PRH1: variants seen among roughly 807,000 people sequenced by gnomAD.
The protein encoded by PRH1 is salivary acidic proline-rich phosphoprotein 1/2.
In PRH1, 7 loss-of-function variants were observed where a neutral mutation model predicts 7.9. The ratio of observed to expected loss-of-function variants is 0.89; its 90% CI spans 0.50 to 1.67. The LOEUF (loss-of-function observed/expected upper bound fraction) is 1.67, where lower values mean the gene tolerates loss of function less well. Ranked by LOEUF, PRH1 falls within the 40% of genes most tolerant of loss-of-function variation. The pLI, the probability that PRH1 is intolerant of heterozygous loss-of-function variation, is 0.00. For missense variants in PRH1, 109 were observed against 223.6 expected (o/e 0.49, Z 3.27); for synonymous variants, 45 against 80.8 (o/e 0.56, Z 2.38).
intron 1 of PRH1, among the ~76,000 whole-genome samples, chr12:11,029,901 A>C (rs1942101048): frequency 6.6e-6 from 1 of 152,232 alleles, no homozygotes. Flanking sequence ...ATACATCCTC[A>C]TTATTGATTT....
In PRH1 at chr12:10,884,191, G is replaced by A; in HGVS notation, c.27C>T (p.Ala9=). MLLILLSV[A]LLAFSSAQDL... is the part of the protein sequence containing the mutation. Reference sequence around the variant, plus strand: ...CCTGAGCTGAGCTGAAGGCCAGCAGGGCCACTGACAGCAGAATCAGAAGCA... The same window carrying A: ...CCTGAGCTGAGCTGAAGGCCAGCAGAGCCACTGACAGCAGAATCAGAAGCA... Residue 9 remains alanine, a synonymous_variant, in exon 1 of 4, where the codon GCC becomes GCT. Coordinates refer to ENST00000543626, the MANE Select transcript of PRH1 (RefSeq NM_001393989.1). 6.2e-7 allele frequency: 1 copy of A among 1,614,118 alleles called. No individual in the cohort carries two copies. Among genetic ancestry groups the A allele is most frequent in the Non-Finnish European group, 8.5e-7 (1 of 1,180,006 alleles).
At chr12:11,098,285 A>C (rs1489288482) in intron 1 of PRH1, among the ~76,000 whole-genome samples, 1 of 150,880 alleles carries the variant, frequency 6.6e-6, no homozygotes, top group Non-Finnish European at 1.5e-5. Flanking sequence ...CATTCTTTTT[A>C]CTTTTAAATG....
intron 2 of PRH1, among the ~76,000 whole-genome samples, chr12:10,929,586 G>C (rs1326233009): frequency 6.6e-6 from 1 of 152,168 alleles, no homozygotes; most frequent in Non-Finnish European, 1.5e-5. Context: ...TGCATTTATA[G>C]AGACATGGGA....
intron 1 of PRH1, among the ~76,000 whole-genome samples, chr12:11,018,428 T>G (rs1303129750): frequency 6.6e-6 from 1 of 152,204 alleles, no homozygotes; most frequent in Non-Finnish European, 1.5e-5. Flanking sequence ...CTTCCTCAGA[T>G]TCCCTTGACT....
chr12:11,061,215 T>A, intron 1 of PRH1: 2 of 1,086,126 alleles, frequency 1.8e-6, no homozygotes, highest in Non-Finnish European at 2.5e-6. Context: ...CGCACTTTTT[T>A]AGACTAACGT....
At chr12:11,019,475 C>G (rs1487556123) in intron 1 of PRH1, among the ~76,000 whole-genome samples, 1 of 152,404 alleles carries the variant, frequency 6.6e-6, no homozygotes, top group African/African-American at 2.4e-5. Context: ...CTAAGATATA[C>G]ATTCAGTTGC....
intron 1 of PRH1, among the ~76,000 whole-genome samples, chr12:11,107,025 G>A (rs186295527): frequency 5.9e-5 from 9 of 152,014 alleles, no homozygotes; most frequent in African/African-American, 1.7e-4. Flanking sequence ...GTAGGGGAGC[G>A]AGAAAGACAG....
rs553939547 is a variant in PRH1 at position 11,088,154 on chromosome 12, A to G, written n.124-40966T>C. 7.8e-4 allele frequency among the ~76,000 whole-genome samples: 101 copies of G among 129,844 alleles called. No homozygotes were observed. In the South Asian group the frequency reaches 0.022, roughly 28 times the overall value. The allele number at this position is 129,844 out of a possible 152,430, so 85.2% of individuals were successfully genotyped here. On this transcript the variant is annotated intron_variant and non_coding_transcript_variant, in intron 1 of 4. Coordinates refer to the PRH1 transcript ENST00000541977. ...CCAGGAGTTTGAGACCAGCCTGGGT[A>G]ACACGGTGAAATCCTAGCCCTACAG...
chr12:11,101,156 CAAT>C (rs1305974388), intron 1 of PRH1, among the ~76,000 whole-genome samples: 1 of 152,062 alleles, frequency 6.6e-6, no homozygotes, highest in African/African-American at 2.4e-5. Context: ...AGTGGATTAA[CAAT>C]TCTTGCCTAT....
At chr12:10,917,733 C>T (rs1038747730) in intron 2 of PRH1, among the ~76,000 whole-genome samples, 1 of 152,194 alleles carries the variant, frequency 6.6e-6, no homozygotes, top group African/African-American at 2.4e-5. Flanking sequence ...ATTGGCAGGA[C>T]ATTTCTGAAT....
intron 1 of PRH1, among the ~76,000 whole-genome samples, chr12:11,123,928 C>T (rs2597934): frequency 1.3e-5 from 2 of 151,944 alleles, no homozygotes; most frequent in African/African-American, 2.4e-5. Flanking sequence ...AATCTTAACG[C>T]CATGTTCTTT....
chr12:11,098,830 T>C (rs138738513), intron 1 of PRH1, among the ~76,000 whole-genome samples: 61 of 152,284 alleles, frequency 4.0e-4, no homozygotes, highest in Non-Finnish European at 7.8e-4. Context: ...TGAACACAAA[T>C]ACACGCATGT....
intron 1 of PRH1, chr12:10,986,226 T>A: frequency 6.2e-7 from 1 of 1,614,144 alleles, no homozygotes; most frequent in Non-Finnish European, 8.5e-7. Context: ...TCCTTCTCCA[T>A]GGAGCTGCAT....
chr12:11,111,331 C>T (rs1945584978), intron 1 of PRH1, among the ~76,000 whole-genome samples: 1 of 152,220 alleles, frequency 6.6e-6, no homozygotes, highest in Non-Finnish European at 1.5e-5. Context: ...CTCTCCACCT[C>T]AAATCAACAG....
intron 1 of PRH1, among the ~76,000 whole-genome samples, chr12:11,024,222 C>T (rs1355610791): frequency 6.6e-6 from 1 of 152,054 alleles, no homozygotes; most frequent in Non-Finnish European, 1.5e-5. Flanking sequence ...ACCATTTCTC[C>T]TAATTAATAA....
intron 1 of PRH1, among the ~76,000 whole-genome samples, chr12:10,979,965 T>C (rs1939277259): frequency 6.6e-6 from 1 of 152,160 alleles, no homozygotes; most frequent in African/African-American, 2.4e-5. Context: ...ACAACTTAGT[T>C]CTAAGTTCTT....
intron 1 of PRH1, among the ~76,000 whole-genome samples, chr12:11,146,431 A>AT (rs763094988): frequency 6.6e-6 from 1 of 152,086 alleles, no homozygotes; most frequent in Admixed American, 6.5e-5. Flanking sequence ...TAAGAACATG[A>AT]TTTTTTTATT....
rs762913610 is a variant in PRH1, at chr12:10,883,040, TGA to T, written c.100+19_100+20del. ...AGGGAAAAATGGAGACAGAGTTTAC[TGA>T]GAATTTATTGGGATTTACCTGATAT... On this transcript the variant is annotated intron_variant, in intron 2 of 3. Coordinates refer to ENST00000543626, the MANE Select transcript of PRH1 (RefSeq NM_001393989.1). The T allele has an allele frequency of 1.2e-6, 2 of 1,606,108 alleles. No individual in the cohort carries two copies. Among genetic ancestry groups the T allele is most frequent in the Admixed American group, 1.7e-5 (1 of 60,014 alleles).
chr12:10,952,398 GA>G (rs1937726829), intron 2 of PRH1, among the ~76,000 whole-genome samples: 1 of 152,186 alleles, frequency 6.6e-6, no homozygotes, highest in East Asian at 1.9e-4. Context: ...TCACGTCACA[GA>G]AAGCTTTTTC....
Sources: allele counts gnomAD v4.1 joint callset (sites outside exome capture counted in the v4.1 genomes callset), GRCh38; gene constraint gnomAD v4.1.1; transcripts MANE v1.5; gene names NCBI Gene and HGNC (gene_info 2026-07-23, HGNC 2026-07-21).